The following GALNT7 variants were observed in gnomAD, a reference collection of about 807,000 sequenced individuals.
GALNT7 encodes N-acetylgalactosaminyltransferase 7.
In GALNT7, 60 loss-of-function variants were observed where a neutral mutation model predicts 82.1. That is an observed-to-expected ratio of 0.73 (90% CI 0.59 to 0.91). The LOEUF is 0.91. GALNT7 is among the 40% of genes least tolerant of loss of function. The probability of loss-of-function intolerance (pLI) is 0.00; values close to 1 mark genes in which losing one functional copy is unlikely to be tolerated. For synonymous variants in GALNT7, 243 were observed against 275.1 expected, an observed-to-expected ratio of 0.88 and a Z score of 1.15; for missense variants, 660 against 804.2, an observed-to-expected ratio of 0.82 and a Z score of 2.17.
In GALNT7 at chr4:173,269,980, G is replaced by A. The variant is rs80062395; in HGVS notation, c.587+21540G>A. On this transcript the variant is annotated intron_variant, in intron 2 of 11. Coordinates refer to ENST00000265000, the MANE Select transcript of GALNT7 (RefSeq NM_017423.3). ...TCATCAGCTGATTGTGGGAGAAGTC[G>A]TTTACAAAAGTCCTGTGAAGAAAGA... is the stretch of plus-strand genomic sequence containing the variant. 6.5e-3 allele frequency among the ~76,000 whole-genome samples: 994 copies of A among 152,248 alleles called. 13 individuals carry two copies. Among genetic ancestry groups the A allele is most frequent in the African/African-American group, 0.023 (942 of 41,516 alleles).
In GALNT7 at chr4:173,230,943, A is replaced by G. The variant is rs574881469; in HGVS notation, c.127-17037A>G. 6.6e-5 allele frequency among the ~76,000 whole-genome samples: 10 copies of G among 152,334 alleles called. No individual in the cohort carries two copies. The South Asian group carries it at 1.0e-3, about 16-fold the overall frequency. On this transcript the variant is annotated intron_variant, in intron 1 of 11. Transcript: ENST00000265000. ...CAGCAAAGCTATAGGAATAGGCTCA[A>G]TTGTGAATAATTTAGTTTTCCTCCA...
chr4:173,318,827 G>GA lies in GALNT7; in HGVS notation c.1836+271dup, dbSNP rs1386718976. On this transcript the variant is annotated intron_variant, in intron 11 of 11. Transcript: ENST00000265000. Reference sequence around the variant, plus strand: ...AGCACTGCTAATTTTAGTAATACAAGAAAGTCAGTGTTCTGTGAGGCAGTC... The same window carrying GA: ...AGCACTGCTAATTTTAGTAATACAAGAAAAGTCAGTGTTCTGTGAGGCAGTC... Among the ~76,000 whole-genome samples the GA allele has an allele frequency of 5.3e-5, 8 of 152,030 alleles. No homozygotes were observed. In the East Asian group the frequency reaches 1.5e-3, roughly 29 times the overall value.
intron 9 of GALNT7, 32 bp from the exon 10 acceptor site, chr4:173,317,602 C>T: frequency 7.6e-7 from 1 of 1,310,818 alleles, no homozygotes; most frequent in Non-Finnish European, 1.1e-6. Flanking sequence ...TAAACTGTTG[C>T]CTGCTTTTTG....
intron 1 of GALNT7, among the ~76,000 whole-genome samples, chr4:173,224,511 T>C (rs1436964283): frequency 2.0e-5 from 3 of 152,214 alleles, no homozygotes; most frequent in African/African-American, 7.2e-5. Flanking sequence ...CAAGGAAATA[T>C]GTGTATTTCT....
At chr4:173,238,069 A>T (rs1259183614) in intron 1 of GALNT7, among the ~76,000 whole-genome samples, 1 of 152,184 alleles carries the variant, frequency 6.6e-6, no homozygotes, top group Non-Finnish European at 1.5e-5. Flanking sequence ...TATCCTACTA[A>T]GCCATTTGGT....
At chr4:173,295,889 T>C (rs1736702677) in intron 5 of GALNT7, 46 bp downstream of exon 5, 2 of 1,064,396 alleles carry the variant, frequency 1.9e-6, no homozygotes, top group Non-Finnish European at 1.5e-6. Flanking sequence ...AAGTAAACCT[T>C]GTCCTAGAAG....
rs377071584 is a variant in GALNT7, at chr4:173,304,095, G to A, written c.1366G>A (p.Val456Ile). Residue 456 changes from valine (V) to isoleucine (I), a missense_variant, in exon 8 of 12, where the codon GTT becomes ATT. This residue lies in a region of GALNT7 where 527 missense variants were observed against 683.5 expected (regional missense o/e 0.77). Coordinates refer to ENST00000265000, the MANE Select transcript of GALNT7 (RefSeq NM_017423.3). ...GCAAGGAAATCCTCCGCCCATTTATGTTGGGTCTTCTCCAACTCTGAAGGT... is the reference window on the plus strand; with the variant it reads ...GCAAGGAAATCCTCCGCCCATTTATATTGGGTCTTCTCCAACTCTGAAGGT... ...GWQGNPPPIY[V>I]GSSPTLKNYV... The A allele has an allele frequency of 3.1e-6, 5 of 1,613,512 alleles. No individual in the cohort carries two copies. The highest frequency in any genetic ancestry group is 1.1e-5 in the South Asian group (1 of 91,018).
chr4:173,227,257 G>A (rs2126701403), intron 1 of GALNT7, among the ~76,000 whole-genome samples: 1 of 152,276 alleles, frequency 6.6e-6, no homozygotes, highest in African/African-American at 2.4e-5. Flanking sequence ...TTGAACCTGG[G>A]AGCAGGTAAG....
chr4:173,250,480 C>T (rs1264787022), intron 2 of GALNT7, among the ~76,000 whole-genome samples: 1 of 152,094 alleles, frequency 6.6e-6, no homozygotes. Context: ...AGCAAGGCCC[C>T]TTGGTTCTGC....
At chr4:173,271,157 A>G (rs1446418636) in intron 2 of GALNT7, among the ~76,000 whole-genome samples, 1 of 152,214 alleles carries the variant, frequency 6.6e-6, no homozygotes, top group African/African-American at 2.4e-5. Context: ...ATTTGGTCTA[A>G]TTCTGTTAGT....
At chr4:173,201,291 T>C (rs1430541377) in intron 1 of GALNT7, among the ~76,000 whole-genome samples, 3 of 152,204 alleles carry the variant, frequency 2.0e-5, no homozygotes, top group Non-Finnish European at 2.9e-5. Flanking sequence ...ATTCTTGATA[T>C]AAGTTGTGGT....
chr4:173,215,256 A>T (rs1380118698), intron 1 of GALNT7, among the ~76,000 whole-genome samples: 9 of 137,442 alleles, frequency 6.5e-5, no homozygotes, highest in African/African-American at 2.1e-4. Flanking sequence ...TTTGATATGG[A>T]GTCTTGTTCT....
chr4:173,231,953 A>T (rs1734043479), intron 1 of GALNT7, among the ~76,000 whole-genome samples: 1 of 152,174 alleles, frequency 6.6e-6, no homozygotes, highest in East Asian at 1.9e-4. Context: ...ACAGTTAGAG[A>T]ATTATAAAAA....
At chr4:173,218,010 A>G (rs1733523970) in intron 1 of GALNT7, among the ~76,000 whole-genome samples, 2 of 152,310 alleles carry the variant, frequency 1.3e-5, no homozygotes, top group Admixed American at 1.3e-4. Flanking sequence ...CTTCACAATA[A>G]CTGTAATTTC....
intron 1 of GALNT7, among the ~76,000 whole-genome samples, chr4:173,198,772 G>C (rs1732857927): frequency 6.6e-6 from 1 of 152,124 alleles, no homozygotes; most frequent in Non-Finnish European, 1.5e-5. Flanking sequence ...AGCGAGGACT[G>C]GGGGAGGGAG....
Position 173,286,851 on chromosome 4 carries a change from T to C in GALNT7, c.588-5257T>C, listed in dbSNP as rs78848427. Among the ~76,000 whole-genome samples the C allele has an allele frequency of 2.8e-3, 426 of 152,334 alleles. 1 individual carries two copies. Among genetic ancestry groups the C allele is most frequent in the African/African-American group, 9.6e-3 (398 of 41,578 alleles). ...GGCATCCTTTCTTCACCTGATGCTCTAGTCCCTTCTGATAAGACTAGACCT... is the reference window on the plus strand; with the variant it reads ...GGCATCCTTTCTTCACCTGATGCTCCAGTCCCTTCTGATAAGACTAGACCT... On this transcript the variant is annotated intron_variant, in intron 2 of 11. Coordinates refer to ENST00000265000, the MANE Select transcript of GALNT7 (RefSeq NM_017423.3).
chr4:173,186,109 AT>A (rs1479180673), intron 1 of GALNT7, among the ~76,000 whole-genome samples: 1 of 152,208 alleles, frequency 6.6e-6, no homozygotes, highest in Non-Finnish European at 1.5e-5. Flanking sequence ...ATCATTTGTC[AT>A]GGGGTTGGGG....
chr4:173,236,513 A>G (rs1734235449), intron 1 of GALNT7, among the ~76,000 whole-genome samples: 1 of 152,166 alleles, frequency 6.6e-6, no homozygotes, highest in Non-Finnish European at 1.5e-5. Context: ...CATGGCTCCC[A>G]TGTAAGAGGA....
chr4:173,173,263 G>A (rs1466623796), intron 1 of GALNT7, among the ~76,000 whole-genome samples: 1 of 148,328 alleles, frequency 6.7e-6, no homozygotes, highest in African/African-American at 2.5e-5. Context: ...TTTAGTCTTT[G>A]CCCTCTGGAT....
Sources: gnomAD v4.1 joint callset for allele counts (sites outside exome capture counted in the v4.1 genomes callset) on GRCh38, gnomAD v4.1.1 for gene constraint, gnomAD v4.1.1 regional missense constraint, MANE v1.5 for transcripts, NCBI Gene and HGNC (gene_info 2026-07-23, HGNC 2026-07-21) for gene names.